Variants in GPR139 observed in about 807,000 individuals in gnomAD.
GPR139 encodes the protein G protein-coupled receptor 139.
In GPR139, 12 loss-of-function variants were observed where a neutral mutation model predicts 25.8. That is an observed-to-expected ratio of 0.47 (90% CI 0.30 to 0.75). GPR139 has a LOEUF of 0.75. Among genes scored for constraint, GPR139 ranks in the 30% least tolerant of loss-of-function variants. The probability of loss-of-function intolerance (pLI) is 0.07; values close to 1 mark genes in which losing one functional copy is unlikely to be tolerated. For synonymous variants in GPR139, 184 were observed against 179.9 expected (o/e 1.02, Z -0.18); for missense variants, 380 against 450.2 (o/e 0.84, Z 1.41).
intron 1 of GPR139, among the ~76,000 whole-genome samples, chr16:20,067,022 G>A (rs1359770414): frequency 2.0e-5 from 3 of 152,148 alleles, no homozygotes; most frequent in East Asian, 1.9e-4. Flanking sequence ...TGGGAAAACC[G>A]GGGCTCAGAG....
chr16:20,068,236 CAAAAAAAAAAA>C (rs10534277), intron 1 of GPR139, among the ~76,000 whole-genome samples: 2 of 109,050 alleles, frequency 1.8e-5, no homozygotes, highest in Non-Finnish European at 3.7e-5. Context: ...CTATTTAATG[CAAAAAAAAAAA>C]AAAAAAAAAA....
In GPR139 at chr16:20,073,440, C is replaced by T; in HGVS notation, c.127+50G>A. The T allele has an allele frequency of 2.5e-6, 4 of 1,591,726 alleles. No individual in the cohort carries two copies. The highest frequency in any genetic ancestry group is 1.1e-5 in the South Asian group (1 of 87,436). On this transcript the variant is annotated intron_variant, in intron 1 of 1. Transcript: ENST00000570682. The surrounding 1 kb of genome is among the most constrained non-coding windows in gnomAD (Gnocchi z 4.7). ...GGACGGGGGATTCTGGGTAGGGTTG[C>T]CCGGCACTTGGGGTTCCTGGCTTCC...
At chr16:20,042,298 A>T (rs948974122) in intron 1 of GPR139, among the ~76,000 whole-genome samples, 1 of 152,236 alleles carries the variant, frequency 6.6e-6, no homozygotes, top group Non-Finnish European at 1.5e-5. Flanking sequence ...TTCAGCAGAC[A>T]ATTACTGAGC....
At chr16:20,052,563 C>T (rs8059448) in intron 1 of GPR139, among the ~76,000 whole-genome samples, 31,475 of 152,000 alleles carry the variant, frequency 0.21, 4,034 homozygotes, top group South Asian at 0.34. Flanking sequence ...TTTGGGAGGC[C>T]GAGGTGGGCG....
Position 20,029,484 on chromosome 16 carries a change from A to T in GPR139, c.*2251T>A, listed in dbSNP as rs200561462. 7.7e-4 allele frequency among the ~76,000 whole-genome samples: 111 copies of T among 144,100 alleles called. No individual in the cohort carries two copies. The highest frequency in any genetic ancestry group is 2.8e-3 in the South Asian group (13 of 4,650). 94.5% of individuals were successfully genotyped at this position (144,100 alleles called of 152,430 possible). On this transcript the variant is annotated 3_prime_UTR_variant, in exon 2 of 2. Coordinates refer to ENST00000570682, the MANE Select transcript of GPR139 (RefSeq NM_001002911.4). The stretch of plus-strand genomic sequence containing the variant: ...TACATGTTTAAAAAATAAATAAATA[A>T]ATATATATATATATATATATTCAGT...
intron 1 of GPR139, chr16:20,071,144 C>T (rs2057458344): frequency 4.4e-6 from 1 of 224,918 alleles, no homozygotes. Flanking sequence ...GATAGCTACC[C>T]TCATAATTCC....
At chr16:20,063,237 A>G (rs2057420363) in intron 1 of GPR139, among the ~76,000 whole-genome samples, 1 of 152,234 alleles carries the variant, frequency 6.6e-6, no homozygotes, top group Non-Finnish European at 1.5e-5. Flanking sequence ...AACAGGAGGT[A>G]GTCTTAAATA....
intron 1 of GPR139, among the ~76,000 whole-genome samples, chr16:20,042,457 G>A (rs979286462): frequency 6.6e-6 from 1 of 152,066 alleles, no homozygotes; most frequent in African/African-American, 2.4e-5. Context: ...ATTCTTCATT[G>A]CCTCTACCCT....
intron 1 of GPR139, among the ~76,000 whole-genome samples, chr16:20,054,015 G>A (rs1163456497): frequency 6.6e-6 from 1 of 152,072 alleles, no homozygotes; most frequent in Non-Finnish European, 1.5e-5. Flanking sequence ...ATTCTGTCTT[G>A]TTTCTTTGTG....
At chr16:20,059,436 TTACCCTGGCTGTTCCCTCTACGCC>T in intron 1 of GPR139, among the ~76,000 whole-genome samples, 2 of 152,292 alleles carry the variant, frequency 1.3e-5, no homozygotes, top group East Asian at 3.9e-4. Flanking sequence ...CACCTCTGGG[TTACCCTGGCTGTTCCCTCTACGCC>T]TACCCTGGCT....
Position 20,032,247 on chromosome 16 carries a change from T to C in GPR139, c.550A>G (p.Ile184Val), listed in dbSNP as rs771946888. Residue 184 changes from isoleucine to valine, a missense_variant, in exon 2 of 2, where the codon ATC (isoleucine) becomes GTC (valine). Coordinates refer to ENST00000570682, the MANE Select transcript of GPR139 (RefSeq NM_001002911.4). ...TAGACGGTGAAGCAGTGGATCCAGA[T>C]GAGGACGTGATGCACAGAGGTGCTG... ...YISTSVHHVL[I>V]WIHCFTVYLV... 6.2e-7 allele frequency: 1 copy of C among 1,614,134 alleles called. No individual in the cohort carries two copies. The highest frequency in any genetic ancestry group is 8.5e-7 in the Non-Finnish European group (1 of 1,180,012).
chr16:20,061,227 G>GTA, intron 1 of GPR139, among the ~76,000 whole-genome samples: 1 of 77,852 alleles, frequency 1.3e-5, no homozygotes, highest in African/African-American at 3.5e-5. Context: ...GGATGGATGT[G>GTA]TGGATGGATG....
At chr16:20,034,563 A>C (rs760395914) in intron 1 of GPR139, among the ~76,000 whole-genome samples, 1 of 151,932 alleles carries the variant, frequency 6.6e-6, no homozygotes, top group Admixed American at 6.6e-5. Flanking sequence ...CGGTCTTGCT[A>C]TGTTGCCCAG....
chr16:20,049,659 T>C (rs1421656175), intron 1 of GPR139, among the ~76,000 whole-genome samples: 1 of 152,230 alleles, frequency 6.6e-6, no homozygotes, highest in Admixed American at 6.5e-5. Context: ...TGAGGAAAGA[T>C]TAAGAGCTCC....
chr16:20,038,482 A>G (rs1339341035), intron 1 of GPR139, among the ~76,000 whole-genome samples: 1 of 151,996 alleles, frequency 6.6e-6, no homozygotes, highest in Non-Finnish European at 1.5e-5. Flanking sequence ...TTCCAACCCC[A>G]TCTAATTAAT....
At chr16:20,070,711 G>C (rs993299717) in intron 1 of GPR139, among the ~76,000 whole-genome samples, 1 of 152,192 alleles carries the variant, frequency 6.6e-6, no homozygotes, top group Non-Finnish European at 1.5e-5. Flanking sequence ...GGAAACTTGG[G>C]GTGAGTCCAC....
At chr16:20,072,580 G>C (rs2057463472) in intron 1 of GPR139, among the ~76,000 whole-genome samples, 1 of 152,090 alleles carries the variant, frequency 6.6e-6, no homozygotes, top group African/African-American at 2.4e-5. Context: ...CCCAAAGCTG[G>C]AGCCCCAGGA....
chr16:20,068,281 A>G (rs2057444258), intron 1 of GPR139, among the ~76,000 whole-genome samples: 1 of 151,442 alleles, frequency 6.6e-6, no homozygotes, highest in African/African-American at 2.4e-5. Context: ...AAAATAAAGC[A>G]AGCAGCTATT....
chr16:20,055,318 T>C (rs2057385171), intron 1 of GPR139, among the ~76,000 whole-genome samples: 1 of 152,196 alleles, frequency 6.6e-6, no homozygotes, highest in Non-Finnish European at 1.5e-5. Flanking sequence ...ATTTACAACA[T>C]TATTAATGCC....
Sources: allele counts gnomAD v4.1 joint callset (sites outside exome capture counted in the v4.1 genomes callset), GRCh38; gene constraint gnomAD v4.1.1; non-coding constraint Gnocchi (gnomAD v3.1); transcripts MANE v1.5; gene names NCBI Gene and HGNC (gene_info 2026-07-23, HGNC 2026-07-21).